The following ADGRL3 variants were observed in gnomAD, a reference collection of about 807,000 sequenced individuals.
The protein encoded by ADGRL3 is adhesion G protein-coupled receptor L3, also known as calcium-independent alpha-latrotoxin receptor 3.
In ADGRL3, 62 loss-of-function variants were observed where a neutral mutation model predicts 153.5. That is an observed-to-expected ratio of 0.40 (90% confidence interval 0.33 to 0.50). The LOEUF (loss-of-function observed/expected upper bound fraction) is 0.50, where lower values mean the gene tolerates loss of function less well. Among genes scored for constraint, ADGRL3 ranks in the 20% least tolerant of loss-of-function variants. The pLI is 0.47. For synonymous variants in ADGRL3, 710 were observed against 672.5 expected (o/e 1.06, Z -0.86); for missense variants, 1,641 against 1,859.4 (o/e 0.88, Z 2.16).
At chr4:61,495,185 G>A (rs1267939242) in intron 2 of ADGRL3, among the ~76,000 whole-genome samples, 1 of 152,062 alleles carries the variant, frequency 6.6e-6, no homozygotes, top group African/African-American at 2.4e-5. Context: ...AGGTTGTCTG[G>A]CTCCAGAATG....
At chr4:61,331,163 G>T (rs865874773) in intron 1 of ADGRL3, among the ~76,000 whole-genome samples, 27 of 152,076 alleles carry the variant, frequency 1.8e-4, no homozygotes, top group African/African-American at 6.3e-4. Flanking sequence ...GATAGAAAGA[G>T]AACAAACTTT....
chr4:61,439,477 A>G (rs1174772546), intron 2 of ADGRL3, among the ~76,000 whole-genome samples: 1 of 152,162 alleles, frequency 6.6e-6, no homozygotes, highest in Non-Finnish European at 1.5e-5. Flanking sequence ...ATTATACGAA[A>G]TATAATAATG....
chr4:61,967,092 T>A (rs1246882134), intron 17 of ADGRL3, among the ~76,000 whole-genome samples: 1 of 152,162 alleles, frequency 6.6e-6, no homozygotes, highest in East Asian at 1.9e-4. Context: ...CAATGAAAAT[T>A]AATAGTACTT....
intron 5 of ADGRL3, among the ~76,000 whole-genome samples, chr4:61,620,976 T>G (rs2149831671): frequency 6.6e-6 from 1 of 152,236 alleles, no homozygotes; most frequent in African/African-American, 2.4e-5. Context: ...CTTTTCTGTA[T>G]TATGAACAGA....
chr4:62,073,551 G>A lies in ADGRL3; in HGVS notation c.*2643G>A, dbSNP rs1746300754. The stretch of plus-strand genomic sequence containing the variant: ...TGTTTTGTCAAACAGTAACCTACAT[G>A]AAAGCAACTCTATCAGTAAGAAGCT... On this transcript the variant is annotated 3_prime_UTR_variant, in exon 27 of 27. Transcript: ENST00000683033. The A allele has an allele frequency of 6.6e-6, 1 of 152,134 alleles. No homozygotes were observed. The highest frequency in any genetic ancestry group is 2.4e-5 in the African/African-American group (1 of 41,444). The allele number at this position is 152,134 out of a possible 1,614,324, so 9.4% of individuals were successfully genotyped here.
At chr4:61,990,074 AT>A (rs1205393582) in intron 19 of ADGRL3, among the ~76,000 whole-genome samples, 1 of 152,062 alleles carries the variant, frequency 6.6e-6, no homozygotes, top group African/African-American at 2.4e-5. Flanking sequence ...ACTAAGGTCC[AT>A]GTTAAAACTT....
intron 2 of ADGRL3, chr4:61,385,530 G>C (rs2096726199): frequency 6.6e-6 from 1 of 152,216 alleles, no homozygotes; most frequent in African/African-American, 2.4e-5. Flanking sequence ...GAATTTCACA[G>C]CTTCTCTGAA....
chr4:61,340,414 A>C (rs1056905553), intron 1 of ADGRL3, among the ~76,000 whole-genome samples: 6 of 152,016 alleles, frequency 3.9e-5, no homozygotes, highest in African/African-American at 1.4e-4. Flanking sequence ...TCAGTGGGAT[A>C]GGCATTCTCT....
At chr4:61,610,307 G>C (rs1230569114) in intron 5 of ADGRL3, among the ~76,000 whole-genome samples, 1 of 151,942 alleles carries the variant, frequency 6.6e-6, no homozygotes, top group African/African-American at 2.4e-5. Context: ...AAACTTATGT[G>C]CGTAATGCAT....
chr4:61,529,905 A>G (rs1340542680), intron 4 of ADGRL3, among the ~76,000 whole-genome samples: 2 of 152,208 alleles, frequency 1.3e-5, no homozygotes, highest in East Asian at 3.9e-4. Flanking sequence ...TTTAGAATTG[A>G]ATATGTTAAA....
At position 61,656,168 on chromosome 4, in the gene ADGRL3, A is replaced by G. The variant is rs750163571; in HGVS notation, c.474-20658A>G. On this transcript the variant is annotated intron_variant, in intron 5 of 26. Transcript: ENST00000683033. ...GCATACTTTTCATCTTTCAGTAGAC[A>G]ATAACACATATTTTATGAATGCTTC... 1.8e-4 allele frequency among the ~76,000 whole-genome samples: 28 copies of G among 152,212 alleles called. 1 individual carries two copies. Among genetic ancestry groups the G allele is most frequent in the Non-Finnish European group, 3.7e-4 (25 of 68,032 alleles).
At position 62,070,784 on chromosome 4, in the gene ADGRL3, A is replaced by C. The variant is rs140343164; in HGVS notation, c.4508A>C (p.Gln1503Pro). The change falls in exon 27 of 27, where the codon CAG (glutamine) becomes CCG (proline). Residue 1503 changes from glutamine (Q) to proline (P), a missense_variant. By Grantham distance (76) the Gln-to-Pro change is moderately conservative. This residue lies in a region of ADGRL3 where 517 missense variants were observed against 555.0 expected (regional missense o/e 0.93). Transcript: ENST00000683033. ...PNLGSRNHVH[Q>P]LHTYYQLGRG... The stretch of plus-strand genomic sequence containing the variant: ...CTAGGCTCCAGAAACCACGTCCATC[A>C]GCTGCATACTTACTACCAGCTAGGT... The C allele has an allele frequency of 8.4e-6, 13 of 1,551,682 alleles. No homozygotes were observed. The East Asian group carries it at 2.9e-4, about 35-fold the overall frequency.
intron 1 of ADGRL3, among the ~76,000 whole-genome samples, chr4:61,301,077 T>A (rs1347851355): frequency 1.3e-5 from 2 of 152,202 alleles, no homozygotes; most frequent in Non-Finnish European, 2.9e-5. Flanking sequence ...ATGAGTTTTC[T>A]AAATTCTAGC....
chr4:61,305,824 G>T (rs2094760777), intron 1 of ADGRL3, among the ~76,000 whole-genome samples: 1 of 152,116 alleles, frequency 6.6e-6, no homozygotes, highest in Non-Finnish European at 1.5e-5. Context: ...CATCTTTAAT[G>T]AAGGAGTTGG....
At chr4:61,682,915 T>G (rs2095367822) in intron 6 of ADGRL3, among the ~76,000 whole-genome samples, 1 of 152,118 alleles carries the variant, frequency 6.6e-6, no homozygotes, top group African/African-American at 2.4e-5. Context: ...AAGATAAAGA[T>G]TCTGTCGTCC....
intron 8 of ADGRL3, among the ~76,000 whole-genome samples, chr4:61,767,326 T>C (rs994975726): frequency 4.0e-5 from 6 of 150,600 alleles, no homozygotes; most frequent in East Asian, 2.0e-4. Flanking sequence ...TAAAAGAGTA[T>C]TGTCTAAGTT....
intron 5 of ADGRL3, among the ~76,000 whole-genome samples, chr4:61,672,540 AG>A (rs2095043406): frequency 6.6e-6 from 1 of 152,122 alleles, no homozygotes; most frequent in South Asian, 2.1e-4. Context: ...ATTTCTTGAA[AG>A]AAGACAAATG....
At position 61,790,621 on chromosome 4, in the gene ADGRL3, G is replaced by C. The variant is rs114005533; in HGVS notation, c.1400-23188G>C. 5.9e-3 allele frequency among the ~76,000 whole-genome samples: 891 copies of C among 152,252 alleles called. 13 individuals carry two copies. Among genetic ancestry groups the C allele is most frequent in the African/African-American group, 0.02 (845 of 41,542 alleles). Reference sequence around the variant, plus strand: ...GACTGCTTTGTGAATCAGTGTTTCTGATGGAAATATGTCTTAATCCTTTTA... The same window carrying C: ...GACTGCTTTGTGAATCAGTGTTTCTCATGGAAATATGTCTTAATCCTTTTA... On this transcript the variant is annotated intron_variant, in intron 8 of 26. Coordinates refer to ENST00000683033, the MANE Select transcript of ADGRL3 (RefSeq NM_001387552.1).
intron 2 of ADGRL3, among the ~76,000 whole-genome samples, chr4:61,438,802 G>T (rs868159148): frequency 6.6e-6 from 1 of 151,366 alleles, no homozygotes. Flanking sequence ...CCGCCTCCCG[G>T]GTTCACACCA....
Sources: gnomAD v4.1 joint callset for allele counts (sites outside exome capture counted in the v4.1 genomes callset) on GRCh38, gnomAD v4.1.1 for gene constraint, gnomAD v4.1.1 regional missense constraint, MANE v1.5 for transcripts, NCBI Gene and HGNC (gene_info 2026-07-23, HGNC 2026-07-21) for gene names.